Variants in SMIM10L3 observed in about 807,000 individuals in gnomAD.
SMIM10L3 encodes small integral membrane protein 10 like 3.
the SMIM10L3 span, among the ~76,000 whole-genome samples, chr7:6,331,683 T>A: frequency 6.6e-6 from 1 of 151,062 alleles, no homozygotes; most frequent in African/African-American, 2.4e-5. Flanking sequence ...CCCGGCCTAG[T>A]GGAGAACATT....
the SMIM10L3 span, chr7:6,348,831 C>G: frequency 5.1e-6 from 2 of 394,354 alleles, no homozygotes. Context: ...CTGACCCTCG[C>G]CTGGCGTGCT....
chr7:6,332,008 A>G, the SMIM10L3 span, among the ~76,000 whole-genome samples: 1 of 150,360 alleles, frequency 6.7e-6, no homozygotes, highest in Admixed American at 6.7e-5. Flanking sequence ...GCTAGTTGGG[A>G]GGCTGAGGTG....
At chr7:6,330,948 C>G in the SMIM10L3 span, 2 of 1,614,246 alleles carry the variant, frequency 1.2e-6, no homozygotes, top group South Asian at 2.2e-5. Context: ...CAGCCCCGCT[C>G]GGATCCTTTC....
At chr7:6,336,568 C>T in the SMIM10L3 span, among the ~76,000 whole-genome samples, 1 of 151,480 alleles carries the variant, frequency 6.6e-6, no homozygotes, top group Non-Finnish European at 1.5e-5. Flanking sequence ...ATAATCCCAG[C>T]TATTAGTCAG....
At chr7:6,336,955 T>C in the SMIM10L3 span, among the ~76,000 whole-genome samples, 2 of 151,570 alleles carry the variant, frequency 1.3e-5, no homozygotes, top group Non-Finnish European at 2.9e-5. Context: ...TGGCTGGCCA[T>C]ATTCTTTCAA....
the SMIM10L3 span, among the ~76,000 whole-genome samples, chr7:6,334,064 A>T: frequency 2.0e-5 from 3 of 150,366 alleles, no homozygotes; most frequent in South Asian, 2.2e-4. Flanking sequence ...GCCAGGATGG[A>T]ATCTATCTCC....
the SMIM10L3 span, among the ~76,000 whole-genome samples, chr7:6,335,701 G>C: frequency 6.6e-6 from 1 of 152,034 alleles, no homozygotes; most frequent in East Asian, 1.9e-4. Flanking sequence ...AGTTTTTACT[G>C]ATAGAATTGT....
chr7:6,329,944 C>G, the SMIM10L3 span: 1 of 174,318 alleles, frequency 5.7e-6, no homozygotes, highest in Admixed American at 6.0e-5. Flanking sequence ...CAGCTTACCA[C>G]GAATTCAGCA....
At chr7:6,342,613 C>G in the SMIM10L3 span, among the ~76,000 whole-genome samples, 2 of 151,912 alleles carry the variant, frequency 1.3e-5, no homozygotes, top group African/African-American at 4.8e-5. Flanking sequence ...AAGTATACAC[C>G]CAAGAGAAAT....
the SMIM10L3 span, among the ~76,000 whole-genome samples, chr7:6,337,465 A>G: frequency 1.3e-5 from 2 of 151,826 alleles, no homozygotes; most frequent in African/African-American, 4.9e-5. Flanking sequence ...AATATGGGAC[A>G]GTGCTCAGAA....
the SMIM10L3 span, among the ~76,000 whole-genome samples, chr7:6,336,603 G>A: frequency 6.6e-6 from 1 of 151,444 alleles, no homozygotes; most frequent in Non-Finnish European, 1.5e-5. Context: ...AGAATCACTT[G>A]AGCCCAGGAA....
At chr7:6,331,215 T>A in the SMIM10L3 span, 1 of 1,477,366 alleles carries the variant, frequency 6.8e-7, no homozygotes, top group Non-Finnish European at 9.2e-7. Flanking sequence ...GGGAGGGCCT[T>A]CAATGGATCT....
At chr7:6,346,415 G>C in the SMIM10L3 span, among the ~76,000 whole-genome samples, 3 of 152,142 alleles carry the variant, frequency 2.0e-5, no homozygotes, top group Non-Finnish European at 4.4e-5. Context: ...CGCCCAGGCT[G>C]GAGTGCAGTG....
the SMIM10L3 span, among the ~76,000 whole-genome samples, chr7:6,346,963 G>C: frequency 6.6e-6 from 1 of 152,272 alleles, no homozygotes; most frequent in East Asian, 1.9e-4. Flanking sequence ...GAATGCAAGA[G>C]GGGCTCAGGA....
At chr7:6,341,647 G>A in the SMIM10L3 span, among the ~76,000 whole-genome samples, 3 of 147,160 alleles carry the variant, frequency 2.0e-5, no homozygotes, top group Admixed American at 6.9e-5. Context: ...CTGAGATCGC[G>A]CCACCGCACT....
chr7:6,336,126 T>C, the SMIM10L3 span, among the ~76,000 whole-genome samples: 9 of 144,796 alleles, frequency 6.2e-5, no homozygotes, highest in African/African-American at 1.3e-4. Flanking sequence ...TAAGCCAAGA[T>C]AGCACCACTG....
the SMIM10L3 span, chr7:6,330,307 T>A: frequency 6.9e-7 from 1 of 1,455,794 alleles, no homozygotes; most frequent in Non-Finnish European, 9.4e-7. Flanking sequence ...GCATCCAGAC[T>A]TAATGCGAAA....
chr7:6,337,826 CAG>C, the SMIM10L3 span, among the ~76,000 whole-genome samples: 14 of 143,288 alleles, frequency 9.8e-5, no homozygotes, highest in Admixed American at 4.8e-4. Context: ...TATTTTGAGA[CAG>C]AGTCTTGCTC....
the SMIM10L3 span, among the ~76,000 whole-genome samples, chr7:6,338,890 C>T: frequency 3.3e-5 from 5 of 152,318 alleles, no homozygotes; most frequent in East Asian, 1.9e-4. Flanking sequence ...AGCAGGGCCG[C>T]GGTGGGCCTT....
Sources: gnomAD v4.1 joint callset for allele counts (sites outside exome capture counted in the v4.1 genomes callset) on GRCh38, gnomAD v4.1.1 for gene constraint, MANE v1.5 for transcripts, NCBI Gene and HGNC (gene_info 2026-07-23, HGNC 2026-07-21) for gene names.